Variants in DCHS2 observed in about 807,000 individuals in gnomAD.
DCHS2 encodes dachsous cadherin-related 2.
In DCHS2, 142 loss-of-function variants were observed where a neutral mutation model predicts 182.4. The observed-to-expected ratio is 0.78, with a 90% CI of 0.68 to 0.89. The LOEUF is 0.89. Ranked by LOEUF, DCHS2 falls within the 40% of genes least tolerant of loss-of-function variation. The pLI, the probability that DCHS2 is intolerant of heterozygous loss-of-function variation, is 0.00. For missense variants in DCHS2, 4,319 were observed against 4,198.6 expected (o/e 1.03, Z -0.79); for synonymous variants, 1,740 against 1,663.3 (o/e 1.05, Z -1.12).
chr4:154,432,538 T>C (rs1271939575), intron 1 of DCHS2, among the ~76,000 whole-genome samples: 1 of 152,146 alleles, frequency 6.6e-6, no homozygotes, highest in East Asian at 1.9e-4. Flanking sequence ...GTAAAGGTCC[T>C]AATTTGTTTT....
intron 1 of DCHS2, among the ~76,000 whole-genome samples, chr4:154,418,040 G>T (rs975232592): frequency 3.9e-5 from 6 of 152,218 alleles, no homozygotes; most frequent in South Asian, 2.1e-4. Context: ...TCTTAGTTTG[G>T]AAGGTTGCCT....
chr4:154,460,965 C>T (rs1355994304), intron 1 of DCHS2, among the ~76,000 whole-genome samples: 3 of 152,088 alleles, frequency 2.0e-5, no homozygotes, highest in Non-Finnish European at 4.4e-5. Flanking sequence ...TGCCATTGTT[C>T]CCAAAATGGG....
chr4:154,261,871 G>GGA (rs2111177746), intron 14 of DCHS2: 1 of 152,206 alleles, frequency 6.6e-6, no homozygotes, highest in East Asian at 1.9e-4. Flanking sequence ...TTGGGCAGCT[G>GGA]GAGAATAATT....
At position 154,321,009 on chromosome 4, in the gene DCHS2, A is replaced by G. The variant is rs1014753048; in HGVS notation, c.4390T>C (p.Ser1464Pro). 6.2e-7 allele frequency: 1 copy of G among 1,613,860 alleles called. No homozygotes were observed. Among genetic ancestry groups the G allele is most frequent in the South Asian group, 1.1e-5 (1 of 91,046 alleles). The change falls in exon 9 of 20, where the codon TCT becomes CCT. Residue 1464 changes from serine (S) to proline (P), a missense_variant. By Grantham distance (74) the Ser-to-Pro change is moderately conservative. Coordinates refer to ENST00000357232, the MANE Select transcript of DCHS2 (RefSeq NM_001358235.2). ...IDSSTGDLFL[S>P]KELDYETTSH... Reference sequence around the variant, plus strand: ...GTCGTCTCATAATCAAGTTCCTTAGAAAGAAACAAGTCTCCGGTTGAGCTG... The same window carrying G: ...GTCGTCTCATAATCAAGTTCCTTAGGAAGAAACAAGTCTCCGGTTGAGCTG...
rs1433274231 is a variant in DCHS2, at chr4:154,357,173, G to C, written c.2476+9037C>G. ...TATAGGTGCTTTCATGGCCTTTTTG[G>C]TGAATGCTTCTGACTCTGGCTTTTT... On this transcript the variant is annotated intron_variant, in intron 3 of 19. Transcript: ENST00000357232. The C allele has an allele frequency of 4.6e-6, 6 of 1,308,792 alleles. No homozygotes were observed. In the South Asian group the frequency reaches 4.9e-5, roughly 11 times the overall value. 81.1% of individuals were successfully genotyped at this position (1,308,792 alleles called of 1,614,324 possible).
rs146199349 is a variant in DCHS2 at position 154,320,785 on chromosome 4, G to A, written c.4614C>T (p.Asp1538=). 185 of 1,614,052 alleles carry A rather than the reference G, an allele frequency of 1.1e-4. No homozygotes were observed. In the Middle Eastern group the frequency reaches 1.2e-3, roughly 10 times the overall value. The change falls in exon 9 of 20, where the codon GAC becomes GAT. Residue 1538 remains aspartate, a synonymous_variant. Coordinates refer to ENST00000357232, the MANE Select transcript of DCHS2 (RefSeq NM_001358235.2). ...LVYVFNAKDD[D]GSFLNSRIQY... is the part of the protein sequence containing the mutation. ...GTATTCTACTGTTCAAAAAACTGCCGTCATCATCTTTGGCATTGAAGACAT... is the reference window on the plus strand; with the variant it reads ...GTATTCTACTGTTCAAAAAACTGCCATCATCATCTTTGGCATTGAAGACAT...
At chr4:154,483,663 CA>C (rs1358352078) in intron 1 of DCHS2, among the ~76,000 whole-genome samples, 1 of 152,170 alleles carries the variant, frequency 6.6e-6, no homozygotes, top group Non-Finnish European at 1.5e-5. Flanking sequence ...GGGACTGTGG[CA>C]TGGGAGGCTG....
At chr4:154,475,584 G>A (rs143213078) in intron 1 of DCHS2, among the ~76,000 whole-genome samples, 1 of 152,238 alleles carries the variant, frequency 6.6e-6, no homozygotes, top group African/African-American at 2.4e-5. Context: ...GTAAGTCCTA[G>A]TTAGTCAAAG....
chr4:154,462,115 A>G (rs764858691), intron 1 of DCHS2, among the ~76,000 whole-genome samples: 1 of 152,160 alleles, frequency 6.6e-6, no homozygotes, highest in Non-Finnish European at 1.5e-5. Context: ...CTTCAGTACA[A>G]CAAATATCTT....
Position 154,484,391 on chromosome 4 carries a change from T to G in DCHS2, c.2052+4913A>C, listed in dbSNP as rs1012629451. Among the ~76,000 whole-genome samples the G allele has an allele frequency of 8.9e-4, 10 of 11,228 alleles. 1 individual carries two copies. The South Asian group carries it at 0.018, about 21-fold the overall frequency. The allele number at this position is 11,228 out of a possible 152,430, so 7.4% of individuals were successfully genotyped here. On this transcript the variant is annotated intron_variant, in intron 1 of 19. Coordinates refer to ENST00000357232, the MANE Select transcript of DCHS2 (RefSeq NM_001358235.2). ...TCAATCTCTATTCACAAACCTCCCATTATCTCCCATGTATTTCCATAATAA... is the reference window on the plus strand; with the variant it reads ...TCAATCTCTATTCACAAACCTCCCAGTATCTCCCATGTATTTCCATAATAA...
chr4:154,490,373 T>C lies in DCHS2; in HGVS notation c.983A>G (p.Asn328Ser), dbSNP rs184513923. ...VRATDRDLGP[N>S]GFVRYSVRAR... is the part of the protein sequence containing the mutation. Reference sequence around the variant, plus strand: ...GCGGACGCTGTAGCGCACGAAGCCATTGGGCCCCAGGTCGCGGTCGGTGGC... The same window carrying C: ...GCGGACGCTGTAGCGCACGAAGCCACTGGGCCCCAGGTCGCGGTCGGTGGC... Residue 328 changes from asparagine (N) to serine (S), a missense_variant, in exon 1 of 20, where the codon AAT becomes AGT. Coordinates refer to ENST00000357232, the MANE Select transcript of DCHS2 (RefSeq NM_001358235.2). 1.2e-4 allele frequency: 180 copies of C among 1,536,266 alleles called. No homozygotes were observed. The highest frequency in any genetic ancestry group is 5.4e-4 in the African/African-American group (39 of 72,820).
chr4:154,273,182 A>G (rs1733676568), intron 13 of DCHS2, among the ~76,000 whole-genome samples: 1 of 152,152 alleles, frequency 6.6e-6, no homozygotes, highest in Non-Finnish European at 1.5e-5. Flanking sequence ...AATTGCAAAA[A>G]TATGGAACCA....
intron 1 of DCHS2, among the ~76,000 whole-genome samples, chr4:154,467,013 T>C (rs539411484): frequency 1.3e-5 from 2 of 152,338 alleles, no homozygotes; most frequent in East Asian, 3.9e-4. Context: ...TCTGGTACAG[T>C]ATTTAGTGCA....
chr4:154,357,245 C>T, intron 3 of DCHS2: 3 of 1,612,762 alleles, frequency 1.9e-6, no homozygotes, highest in Non-Finnish European at 2.5e-6. Context: ...GAGGTAAAAA[C>T]ATCTCTAAAC....
intron 1 of DCHS2, chr4:154,384,590 T>C: frequency 6.9e-7 from 1 of 1,458,532 alleles, no homozygotes. Flanking sequence ...GCAACAGACA[T>C]GATTAAGTTG....
Position 154,234,396 on chromosome 4 carries a change from G to A in DCHS2, c.*140C>T, listed in dbSNP as rs1471202082. 8.4e-6 allele frequency: 10 copies of A among 1,190,742 alleles called. No homozygotes were observed. In the East Asian group the frequency reaches 2.6e-4, roughly 31 times the overall value. 73.8% of individuals were successfully genotyped at this position (1,190,742 alleles called of 1,614,324 possible). ...GGAAGAAATTGGAGAAACTTTAATG[G>A]GGAAGTTTTAAAAACTCTAACTAAA... On this transcript the variant is annotated 3_prime_UTR_variant, in exon 20 of 20. Transcript: ENST00000357232.
chr4:154,457,932 C>T (rs1369458867), intron 1 of DCHS2, among the ~76,000 whole-genome samples: 5 of 152,210 alleles, frequency 3.3e-5, no homozygotes, highest in Non-Finnish European at 7.3e-5. Context: ...ATTCACTCTA[C>T]TATTGTAATT....
intron 1 of DCHS2, among the ~76,000 whole-genome samples, chr4:154,431,214 G>A (rs892938055): frequency 6.6e-6 from 1 of 152,136 alleles, no homozygotes; most frequent in Non-Finnish European, 1.5e-5. Context: ...CTTGGATGCA[G>A]GCGGGGGGAG....
chr4:154,236,174 G>A lies in DCHS2; in HGVS notation c.8478C>T (p.Leu2826=), dbSNP rs762362898. Residue 2826 remains leucine (L), a synonymous_variant, in exon 20 of 20, where the codon CTC becomes CTT. Coordinates refer to ENST00000357232, the MANE Select transcript of DCHS2 (RefSeq NM_001358235.2). ...GAATATCCCCTGTCAAAGGGTCAAT[G>A]AGGAAGAGATCATGATCATAAGACA... ...HGMSYDHDLF[L]IDPLTGDIHA... 4 of 1,613,860 alleles carry A rather than the reference G, an allele frequency of 2.5e-6. No homozygotes were observed. The South Asian group carries it at 3.3e-5, about 13-fold the overall frequency.
Sources: allele counts gnomAD v4.1 joint callset (sites outside exome capture counted in the v4.1 genomes callset), GRCh38; gene constraint gnomAD v4.1.1; transcripts MANE v1.5; gene names NCBI Gene and HGNC (gene_info 2026-07-23, HGNC 2026-07-21).